DNAH14: variants seen among roughly 807,000 people sequenced by gnomAD.
DNAH14 encodes the protein axonemal beta dynein heavy chain 14.
DNAH14 carries 478 observed loss-of-function variants against 520.9 expected under a neutral mutation model. The ratio of observed to expected loss-of-function variants is 0.92; its 90% CI spans 0.85 to 0.99. The LOEUF is 0.99. Ranked by LOEUF, DNAH14 falls within the 50% of genes least tolerant of loss-of-function variation. DNAH14 has a pLI of 0.00. For synonymous variants in DNAH14, 1,581 were observed against 1,757.2 expected (o/e 0.90, Z 2.51); for missense variants, 4,831 against 5,234.5 (o/e 0.92, Z 2.38).
rs1257166985 is a variant in DNAH14, at chr1:225,346,354, G to A, written c.11071G>A (p.Asp3691Asn). ...AGATAAGCATATTAAAAGTGCAATA[G>A]ACATGTTGACAAAAAGTATTTTTAA... is the stretch of plus-strand genomic sequence containing the variant. ...LLDKHIKSAI[D>N]MLTKSIFKVV... Residue 3691 changes from aspartate to asparagine, a missense_variant, in exon 70 of 86, where the codon GAC becomes AAC. Asp to Asn is a conservative substitution (Grantham distance 23). Transcript: ENST00000682510. 2 of 1,525,866 alleles carry A rather than the reference G, an allele frequency of 1.3e-6. No individual in the cohort carries two copies. The highest frequency in any genetic ancestry group is 8.8e-7 in the Non-Finnish European group (1 of 1,138,958). The allele number at this position is 1,525,866 out of a possible 1,614,324, so 94.5% of individuals were successfully genotyped here. A position where few individuals can be genotyped will look rare whatever the true frequency, so the allele number is the denominator to read the frequency against.
At chr1:225,224,366 A>G (rs2090336856) in intron 41 of DNAH14, among the ~76,000 whole-genome samples, 1 of 151,886 alleles carries the variant, frequency 6.6e-6, no homozygotes. Flanking sequence ...TTAGTAGGAC[A>G]GATAGCCCCC....
rs146904899 is a variant in DNAH14, at chr1:225,030,876, T to C, written c.1358+7011T>C. Among the ~76,000 whole-genome samples the C allele has an allele frequency of 2.9e-3, 447 of 152,134 alleles. 1 individual carries two copies. Among genetic ancestry groups the C allele is most frequent in the African/African-American group, 9.5e-3 (396 of 41,538 alleles). ...CTATTTTAATTCATTTACTTTTTCA[T>C]ATATATCTTATAATTAACTAGCAGA... On this transcript the variant is annotated intron_variant, in intron 11 of 85. Coordinates refer to ENST00000682510, the MANE Select transcript of DNAH14 (RefSeq NM_001367479.1).
chr1:225,163,380 A>G (rs181797937), intron 35 of DNAH14, among the ~76,000 whole-genome samples: 6 of 152,238 alleles, frequency 3.9e-5, no homozygotes, highest in Admixed American at 6.5e-5. Context: ...TCCAGCTAAG[A>G]CTTCCAGTGC....
chr1:225,265,485 A>G (rs1168549399), intron 48 of DNAH14, 116 bp downstream of exon 48: 1 of 852,604 alleles, frequency 1.2e-6, no homozygotes, highest in Non-Finnish European at 1.7e-6. Context: ...TTTGAACATC[A>G]TAGAAGATGC....
intron 41 of DNAH14, among the ~76,000 whole-genome samples, chr1:225,213,536 T>C (rs1311452646): frequency 3.3e-5 from 5 of 152,366 alleles, no homozygotes; most frequent in Non-Finnish European, 7.3e-5. Flanking sequence ...TTCCTTTCCA[T>C]GAGCATGAGA....
intron 36 of DNAH14, among the ~76,000 whole-genome samples, chr1:225,178,818 G>A (rs201600958): frequency 8.7e-4 from 133 of 152,180 alleles, no homozygotes; most frequent in Middle Eastern, 3.4e-3. Context: ...GTCCCCACCC[G>A]TATCTCATCT....
At chr1:225,193,779 A>G (rs1456636972) in intron 38 of DNAH14, among the ~76,000 whole-genome samples, 1 of 152,144 alleles carries the variant, frequency 6.6e-6, no homozygotes, top group Non-Finnish European at 1.5e-5. Flanking sequence ...TGCAGACAAT[A>G]TGATTCTATA....
At chr1:225,336,069 A>G (rs1011002843) in intron 66 of DNAH14, among the ~76,000 whole-genome samples, 6 of 145,452 alleles carry the variant, frequency 4.1e-5, no homozygotes, top group African/African-American at 7.8e-5. Context: ...ATGTATACAT[A>G]CATACTTATA....
chr1:224,987,439 G>A (rs998614088), intron 8 of DNAH14, among the ~76,000 whole-genome samples: 11 of 152,096 alleles, frequency 7.2e-5, no homozygotes, highest in African/African-American at 1.2e-4. Flanking sequence ...CAAATACTAC[G>A]GACTGGATCA....
chr1:225,194,892 G>T (rs150621081), intron 38 of DNAH14, among the ~76,000 whole-genome samples: 2 of 152,178 alleles, frequency 1.3e-5, no homozygotes, highest in Middle Eastern at 3.4e-3. Flanking sequence ...TATACATTGA[G>T]CCAATAACCA....
intron 3 of DNAH14, among the ~76,000 whole-genome samples, chr1:224,959,493 A>G (rs1206861085): frequency 2.0e-5 from 3 of 152,134 alleles, no homozygotes; most frequent in Admixed American, 6.6e-5. Flanking sequence ...TTGTAGCACA[A>G]TGCCTTGCAC....
At chr1:225,245,422 C>G (rs2092224498) in intron 43 of DNAH14, among the ~76,000 whole-genome samples, 1 of 152,138 alleles carries the variant, frequency 6.6e-6, no homozygotes, top group African/African-American at 2.4e-5. Flanking sequence ...TCTTGTTGAT[C>G]TGTCTAATAT....
At chr1:225,336,008 TAC>T (rs1323842921) in intron 66 of DNAH14, among the ~76,000 whole-genome samples, 7,503 of 95,696 alleles carry the variant, frequency 0.078, 660 homozygotes, top group African/African-American at 0.23. Flanking sequence ...CATATATGTA[TAC>T]GCATATATGC....
chr1:225,214,418 CT>C (rs1218686311), intron 41 of DNAH14, among the ~76,000 whole-genome samples: 1 of 152,174 alleles, frequency 6.6e-6, no homozygotes, highest in East Asian at 1.9e-4. Context: ...TGATGCTGGC[CT>C]CATAAAATGA....
chr1:225,051,611 T>G lies in DNAH14; in HGVS notation c.2240T>G (p.Leu747Arg), dbSNP rs2068541360. The change falls in exon 17 of 86, where the codon CTA (leucine) becomes CGA (arginine). Residue 747 changes from leucine to arginine, a missense_variant. By Grantham distance (102) the Leu-to-Arg change is moderately radical. Coordinates refer to ENST00000682510, the MANE Select transcript of DNAH14 (RefSeq NM_001367479.1). ...ELTSKEFEAILNRFRNYFRHI... is the reference protein window; with the variant it reads ...ELTSKEFEAIRNRFRNYFRHI... ...ACTTCAAAAGAATTTGAAGCTATTCTAAATAGATTCAGAAACTATTTTAGA... is the reference window on the plus strand; with the variant it reads ...ACTTCAAAAGAATTTGAAGCTATTCGAAATAGATTCAGAAACTATTTTAGA... 7 of 1,550,884 alleles carry G rather than the reference T, an allele frequency of 4.5e-6. No individual in the cohort carries two copies. In the South Asian group the frequency reaches 7.1e-5, roughly 16 times the overall value.
At chr1:225,390,231 A>G (rs879709520) in intron 83 of DNAH14, among the ~76,000 whole-genome samples, 4 of 152,108 alleles carry the variant, frequency 2.6e-5, no homozygotes, top group African/African-American at 4.8e-5. Flanking sequence ...CACAAGATTG[A>G]CTCTGAGCTT....
chr1:225,039,826 C>A (rs1443609979), intron 12 of DNAH14, among the ~76,000 whole-genome samples: 1 of 112,074 alleles, frequency 8.9e-6, no homozygotes, highest in African/African-American at 3.3e-5. Flanking sequence ...TGCAGTGAGC[C>A]GAGATCCCGC....
At chr1:225,094,818 C>CAAAA (rs140729760) in intron 21 of DNAH14, among the ~76,000 whole-genome samples, 1 of 91,170 alleles carries the variant, frequency 1.1e-5, no homozygotes, top group Non-Finnish European at 2.8e-5. Flanking sequence ...CATTTACAGG[C>CAAAA]AAAAAAAAAA....
intron 66 of DNAH14, among the ~76,000 whole-genome samples, chr1:225,335,209 A>C (rs1469792848): frequency 1.4e-5 from 2 of 139,656 alleles, no homozygotes; most frequent in African/African-American, 5.0e-5. Flanking sequence ...ACACACGTAC[A>C]TGTGTGTATA....
Sources: allele counts gnomAD v4.1 joint callset (sites outside exome capture counted in the v4.1 genomes callset), GRCh38; gene constraint gnomAD v4.1.1; transcripts MANE v1.5; gene names NCBI Gene and HGNC (gene_info 2026-07-23, HGNC 2026-07-21).